The following TCFL5 variants were observed in gnomAD, a reference collection of about 807,000 sequenced individuals.
TCFL5 encodes the protein transcription factor like 5.
In TCFL5, 9 loss-of-function variants were observed where a neutral mutation model predicts 44.3. The ratio of observed to expected loss-of-function variants is 0.20; its 90% CI spans 0.12 to 0.35. The LOEUF (loss-of-function observed/expected upper bound fraction) is 0.35, where lower values mean the gene tolerates loss of function less well. Among genes scored for constraint, TCFL5 ranks in the 10% least tolerant of loss-of-function variants. The probability of loss-of-function intolerance (pLI) is 1.00; values close to 1 mark genes in which losing one functional copy is unlikely to be tolerated. For synonymous variants in TCFL5, 319 were observed against 271.6 expected, an observed-to-expected ratio of 1.17 and a Z score of -1.72; for missense variants, 603 against 613.4, an observed-to-expected ratio of 0.98 and a Z score of 0.18.
chr20:62,854,835 G>A (rs973630627), intron 4 of TCFL5, among the ~76,000 whole-genome samples: 10 of 152,108 alleles, frequency 6.6e-5, no homozygotes, highest in African/African-American at 1.4e-4. Context: ...CTTCACACCC[G>A]TCTATTTAGA....
chr20:62,854,289 T>C (rs886679942), intron 4 of TCFL5, 132 bp from the exon 5 acceptor site: 1 of 1,200,680 alleles, frequency 8.3e-7, no homozygotes, highest in African/African-American at 1.5e-5. Flanking sequence ...CGGAAGCGCC[T>C]GTCACCACAG....
rs1227431366 is a variant in TCFL5, at chr20:62,845,179, T to C, written c.1381-3082A>G. On this transcript the variant is annotated intron_variant, in intron 5 of 5. Transcript: ENST00000335351. ...TCTTGTCGCCCAGACTGGGGTGCAA[T>C]GGCACGATCTCAGCTCACTGCAACC... 4 of 972,816 alleles carry C rather than the reference T, an allele frequency of 4.1e-6. No individual in the cohort carries two copies. In the African/African-American group the frequency reaches 5.3e-5, roughly 13 times the overall value. The allele number at this position is 972,816 out of a possible 1,614,324, so 60.3% of individuals were successfully genotyped here. A position where few individuals can be genotyped will look rare whatever the true frequency, so the allele number is the denominator to read the frequency against.
chr20:62,852,537 C>T (rs951059017), intron 5 of TCFL5: 17 of 985,472 alleles, frequency 1.7e-5, no homozygotes, highest in Non-Finnish European at 2.0e-5. Flanking sequence ...TGCTGCAGGC[C>T]ACTGCCACGA....
chr20:62,854,534 G>A (rs1189534989), intron 4 of TCFL5, among the ~76,000 whole-genome samples: 1 of 152,192 alleles, frequency 6.6e-6, no homozygotes. Flanking sequence ...CCACTGAGGG[G>A]TCCAAATTGG....
Position 62,860,430 on chromosome 20 carries a change from C to G in TCFL5, c.648-122G>C, listed in dbSNP as rs1235353691. 7.2e-6 allele frequency: 6 copies of G among 836,796 alleles called. No homozygotes were observed. In the East Asian group the frequency reaches 1.6e-4, roughly 22 times the overall value. The allele number at this position is 836,796 out of a possible 1,614,324, so 51.8% of individuals were successfully genotyped here. A position where few individuals can be genotyped will look rare whatever the true frequency, so the allele number is the denominator to read the frequency against. ...GCAACCCAACTCTCATCCTGGAAATCTCTACACAACAATTAGCAACTATCG... is the reference window on the plus strand; with the variant it reads ...GCAACCCAACTCTCATCCTGGAAATGTCTACACAACAATTAGCAACTATCG... On this transcript the variant is annotated intron_variant, in intron 1 of 5. Coordinates refer to ENST00000335351, the MANE Select transcript of TCFL5 (RefSeq NM_006602.4).
intron 4 of TCFL5, among the ~76,000 whole-genome samples, chr20:62,855,748 A>G (rs1034541083): frequency 6.6e-6 from 1 of 152,084 alleles, no homozygotes. Flanking sequence ...CCTGGGCAAC[A>G]AGAGTAAATC....
chr20:62,850,897 T>C (rs1466473270), intron 5 of TCFL5, among the ~76,000 whole-genome samples: 1 of 151,898 alleles, frequency 6.6e-6, no homozygotes, highest in Non-Finnish European at 1.5e-5. Flanking sequence ...AGCCCCCGAG[T>C]CCGGCTGGCT....
rs1258818804 is a variant in TCFL5 at position 62,842,816 on chromosome 20, C to A, written c.1381-719G>T. Among the ~76,000 whole-genome samples, 1 of 152,182 alleles carries A rather than the reference C, an allele frequency of 6.6e-6. No individual in the cohort carries two copies. The highest frequency in any genetic ancestry group is 1.5e-5 in the Non-Finnish European group (1 of 68,028). ...ACAATTAACAAGTCAGGGGCATCTACCCCCACCCCAGGGCGACTGCCTTGC... is the reference window on the plus strand; with the variant it reads ...ACAATTAACAAGTCAGGGGCATCTAACCCCACCCCAGGGCGACTGCCTTGC... On this transcript the variant is annotated intron_variant, in intron 5 of 5. Transcript: ENST00000335351. This position sits in a 1 kb window ranked among gnomAD's most constrained non-coding sequence, Gnocchi z 4.3.
At chr20:62,849,198 A>C (rs925236193) in intron 5 of TCFL5, among the ~76,000 whole-genome samples, 1 of 151,902 alleles carries the variant, frequency 6.6e-6, no homozygotes, top group African/African-American at 2.4e-5. Context: ...AAGTATAAAG[A>C]AGCATGGTGT....
Position 62,861,101 on chromosome 20 carries a change from G to A in TCFL5, c.570C>T (p.Arg190=). The change falls in exon 1 of 6, where the codon CGC becomes CGT. Residue 190 remains arginine (R), a synonymous_variant. Coordinates refer to ENST00000335351, the MANE Select transcript of TCFL5 (RefSeq NM_006602.4). The surrounding 1 kb of genome is among the most constrained non-coding windows in gnomAD (Gnocchi z 4.0). ...GCGGCTCGGCGGGGATGCTGTTGAA[G>A]CGGTCCTCCAGGCGGACGCGCACGG... is the stretch of plus-strand genomic sequence containing the variant. ...KPAVRVRLED[R]FNSIPAEPPP... 1 of 998,102 alleles carries A rather than the reference G, an allele frequency of 1.0e-6. No homozygotes were observed. Among genetic ancestry groups the A allele is most frequent in the Non-Finnish European group, 1.2e-6 (1 of 840,266 alleles). 61.8% of individuals were successfully genotyped at this position (998,102 alleles called of 1,614,324 possible).
At chr20:62,844,251 T>A (rs1052135929) in intron 5 of TCFL5, among the ~76,000 whole-genome samples, 1 of 152,244 alleles carries the variant, frequency 6.6e-6, no homozygotes, top group African/African-American at 2.4e-5. Flanking sequence ...CTTTTGTTTT[T>A]GTTTTTGAAT....
intron 5 of TCFL5, among the ~76,000 whole-genome samples, chr20:62,844,241 C>T (rs1016336644): frequency 6.6e-6 from 1 of 152,106 alleles, no homozygotes; most frequent in Non-Finnish European, 1.5e-5. Context: ...TGCTATTTTG[C>T]TTTTGTTTTT....
chr20:62,859,616 AAACT>A, intron 2 of TCFL5, 90 bp from the exon 3 acceptor site: 1 of 1,222,896 alleles, frequency 8.2e-7, no homozygotes, highest in Non-Finnish European at 1.1e-6. Flanking sequence ...ACAAACATCA[AAACT>A]ACTAACACGT....
At position 62,861,659 on chromosome 20, in the gene TCFL5, G is replaced by A; in HGVS notation, c.12C>T (p.Pro4=). MSG[P]GPREPPPEAG... ...CCTCCGGCGGCGGCTCCCGCGGTCC[G>A]GGGCCCGACATGGCGGCGCGGCGCG... Residue 4 remains proline (P), a synonymous_variant, in exon 1 of 6, where the codon CCC becomes CCT. Transcript: ENST00000335351. The surrounding 1 kb of genome is among the most constrained non-coding windows in gnomAD (Gnocchi z 4.0). The A allele has an allele frequency of 1.2e-6, 1 of 858,530 alleles. No homozygotes were observed. The highest frequency in any genetic ancestry group is 1.4e-6 in the Non-Finnish European group (1 of 715,932). 53.2% of individuals were successfully genotyped at this position (858,530 alleles called of 1,614,324 possible). A position where few individuals can be genotyped will look rare whatever the true frequency, so the allele number is the denominator to read the frequency against.
In TCFL5 at chr20:62,861,123, A is replaced by G. The variant is rs1438086009; in HGVS notation, c.548T>C (p.Val183Ala). 1 of 999,052 alleles carries G rather than the reference A, an allele frequency of 1.0e-6. No individual in the cohort carries two copies. Among genetic ancestry groups the G allele is most frequent in the Non-Finnish European group, 1.2e-6 (1 of 841,126 alleles). 61.9% of individuals were successfully genotyped at this position (999,052 alleles called of 1,614,324 possible). A position where few individuals can be genotyped will look rare whatever the true frequency, so the allele number is the denominator to read the frequency against. ...GAAGCGGTCCTCCAGGCGGACGCGC[A>G]CGGCCGGCTTGGCCCGGGCCTCGGG... ...GAPEARAKPAVRVRLEDRFNS... is the reference protein window; with the variant it reads ...GAPEARAKPAARVRLEDRFNS... Residue 183 changes from valine to alanine, a missense_variant, in exon 1 of 6, where the codon GTG (valine) becomes GCG (alanine). Coordinates refer to ENST00000335351, the MANE Select transcript of TCFL5 (RefSeq NM_006602.4). This position sits in a 1 kb window ranked among gnomAD's most constrained non-coding sequence, Gnocchi z 4.0.
chr20:62,845,067 C>A (rs1305109953), intron 5 of TCFL5: 7 of 985,342 alleles, frequency 7.1e-6, no homozygotes, highest in Non-Finnish European at 8.4e-6. Flanking sequence ...CCATTTCCAA[C>A]TACTGTGTGC....
chr20:62,854,736 T>A (rs2063861704), intron 4 of TCFL5, among the ~76,000 whole-genome samples: 1 of 152,242 alleles, frequency 6.6e-6, no homozygotes, highest in African/African-American at 2.4e-5. Flanking sequence ...GACTATTTTT[T>A]AAACTTTTAC....
In TCFL5 at chr20:62,844,567, TTTTG is replaced by T. The variant is rs1265441785; in HGVS notation, c.1381-2474_1381-2471del. Among the ~76,000 whole-genome samples the T allele has an allele frequency of 2.2e-3, 317 of 145,156 alleles. 1 individual carries two copies. The highest frequency in any genetic ancestry group is 5.0e-3 in the South Asian group (24 of 4,764). On this transcript the variant is annotated intron_variant, in intron 5 of 5. Coordinates refer to ENST00000335351, the MANE Select transcript of TCFL5 (RefSeq NM_006602.4). ...CTTTCAACATTTTTTTTCTGTTTTT[TTTTG>T]TTTGTTTTTTGTTTTTTTTTTTTTG...
At chr20:62,848,278 GC>G (rs940012493) in intron 5 of TCFL5, among the ~76,000 whole-genome samples, 13 of 152,306 alleles carry the variant, frequency 8.5e-5, no homozygotes, top group African/African-American at 2.9e-4. Flanking sequence ...CACCTTCAGG[GC>G]CCCCAGCGTG....
Sources: gnomAD v4.1 joint callset for allele counts (sites outside exome capture counted in the v4.1 genomes callset) on GRCh38, gnomAD v4.1.1 for gene constraint, Gnocchi (gnomAD v3.1) non-coding constraint, MANE v1.5 for transcripts, NCBI Gene and HGNC (gene_info 2026-07-23, HGNC 2026-07-21) for gene names.